Variants in GKAP1 observed in about 807,000 individuals in gnomAD.
The protein encoded by GKAP1 is G kinase-anchoring protein 1.
A neutral mutation model predicts 56.7 loss-of-function variants in GKAP1; 31 were observed. The ratio of observed to expected loss-of-function variants is 0.55; its 90% CI spans 0.41 to 0.74. The LOEUF (loss-of-function observed/expected upper bound fraction) is 0.74. GKAP1 is among the 30% of genes least tolerant of loss of function. GKAP1 has a pLI of 0.00. For synonymous variants in GKAP1, 151 were observed against 138.6 expected, an observed-to-expected ratio of 1.09 and a Z score of -0.63; for missense variants, 364 against 402.3, an observed-to-expected ratio of 0.90 and a Z score of 0.82.
chr9:83,781,889 G>T (rs1943979292), intron 6 of GKAP1, among the ~76,000 whole-genome samples: 1 of 146,736 alleles, frequency 6.8e-6, no homozygotes, highest in African/African-American at 2.5e-5. Flanking sequence ...TGTCGCCCAG[G>T]CTGGAGTGCA....
intron 7 of GKAP1, among the ~76,000 whole-genome samples, 186 bp from the exon 8 acceptor site, chr9:83,769,156 A>AT (rs2131268289): frequency 6.6e-6 from 1 of 152,364 alleles, no homozygotes; most frequent in South Asian, 2.1e-4. Context: ...TCTCCAGAAG[A>AT]TAAAACAGTA....
chr9:83,816,441 T>A (rs1453085268), intron 2 of GKAP1, among the ~76,000 whole-genome samples: 1 of 152,216 alleles, frequency 6.6e-6, no homozygotes, highest in Non-Finnish European at 1.5e-5. Context: ...GTAAAATACA[T>A]CTATTTTCAC....
intron 6 of GKAP1, among the ~76,000 whole-genome samples, chr9:83,784,333 C>G (rs1306353819): frequency 6.7e-6 from 1 of 149,630 alleles, no homozygotes; most frequent in African/African-American, 2.4e-5. Flanking sequence ...GGATCTTCAA[C>G]AGGTAATTAG....
intron 5 of GKAP1, among the ~76,000 whole-genome samples, chr9:83,785,497 ACCCTG>A (rs1274893797): frequency 1.3e-5 from 2 of 151,898 alleles, no homozygotes; most frequent in East Asian, 3.9e-4. Flanking sequence ...CCATCTCACT[ACCCTG>A]CCTTCCCCAC....
At chr9:83,804,416 C>A (rs1196669815) in intron 3 of GKAP1, among the ~76,000 whole-genome samples, 2 of 138,444 alleles carry the variant, frequency 1.4e-5, no homozygotes, top group African/African-American at 2.7e-5. Context: ...AGCCCCCCGC[C>A]CGGCCAGCCA....
intron 7 of GKAP1, among the ~76,000 whole-genome samples, chr9:83,778,341 T>A (rs1943896698): frequency 6.6e-6 from 1 of 152,172 alleles, no homozygotes; most frequent in Non-Finnish European, 1.5e-5. Context: ...GTGGTATATA[T>A]GCACCATGGA....
chr9:83,746,683 G>A (rs1021902073), intron 10 of GKAP1, among the ~76,000 whole-genome samples: 1 of 151,226 alleles, frequency 6.6e-6, no homozygotes, highest in African/African-American at 2.4e-5. Context: ...AACAGAGAAA[G>A]ACTCCTTCTC....
At chr9:83,791,880 T>C (rs1944165433) in intron 4 of GKAP1, among the ~76,000 whole-genome samples, 1 of 152,158 alleles carries the variant, frequency 6.6e-6, no homozygotes, top group Admixed American at 6.5e-5. Context: ...TAAATATAGA[T>C]ACAATTTGGA....
chr9:83,816,164 G>C (rs1455267847), intron 2 of GKAP1, among the ~76,000 whole-genome samples: 1 of 151,820 alleles, frequency 6.6e-6, no homozygotes, highest in East Asian at 1.9e-4. Context: ...ACTCCAGCCT[G>C]GGCAACAAGA....
chr9:83,742,367 T>C (rs1943222605), intron 11 of GKAP1, among the ~76,000 whole-genome samples, 163 bp downstream of exon 11: 1 of 152,222 alleles, frequency 6.6e-6, no homozygotes, highest in African/African-American at 2.4e-5. Context: ...CTACCTCTTT[T>C]AGTGCTGTAA....
chr9:83,788,722 T>C (rs1283197795), intron 4 of GKAP1, 44 bp from the exon 5 acceptor site: 3 of 1,183,216 alleles, frequency 2.5e-6, no homozygotes, highest in South Asian at 2.5e-5. Context: ...TATCATTACA[T>C]CACATGAGCA....
At chr9:83,760,693 T>C (rs1369710164) in intron 8 of GKAP1, among the ~76,000 whole-genome samples, 6 of 152,190 alleles carry the variant, frequency 3.9e-5, no homozygotes, top group Non-Finnish European at 8.8e-5. Flanking sequence ...GAAATAAAGC[T>C]ACAAATCAAG....
At chr9:83,795,634 C>G (rs994605892) in intron 4 of GKAP1, among the ~76,000 whole-genome samples, 2 of 140,570 alleles carry the variant, frequency 1.4e-5, no homozygotes, top group African/African-American at 5.2e-5. Context: ...CTCTGTCACC[C>G]AGGCTGAAGT....
At chr9:83,816,243 A>G (rs564720866) in intron 2 of GKAP1, among the ~76,000 whole-genome samples, 1 of 152,070 alleles carries the variant, frequency 6.6e-6, no homozygotes, top group Admixed American at 6.5e-5. Context: ...GCATACTAAA[A>G]CTCTGCTCCA....
intron 2 of GKAP1, among the ~76,000 whole-genome samples, chr9:83,813,937 CA>C (rs2131332577): frequency 6.6e-6 from 1 of 152,180 alleles, no homozygotes; most frequent in East Asian, 1.9e-4. Flanking sequence ...CCCTTCTCTA[CA>C]AAATGTACAA....
intron 5 of GKAP1, among the ~76,000 whole-genome samples, chr9:83,785,841 G>A (rs1167889115): frequency 6.6e-6 from 1 of 152,080 alleles, no homozygotes; most frequent in Non-Finnish European, 1.5e-5. Context: ...TCTGCCAATG[G>A]ATGTATAAAA....
At chr9:83,790,728 G>A (rs1264027656) in intron 4 of GKAP1, among the ~76,000 whole-genome samples, 3 of 151,962 alleles carry the variant, frequency 2.0e-5, no homozygotes, top group East Asian at 1.9e-4. Context: ...CAGGAGTATC[G>A]CTTAAACCCA....
chr9:83,763,100 T>A (rs1943602284), intron 8 of GKAP1, among the ~76,000 whole-genome samples: 1 of 152,170 alleles, frequency 6.6e-6, no homozygotes, highest in Non-Finnish European at 1.5e-5. Context: ...TGGAGTACTC[T>A]TCATCCATAA....
intron 10 of GKAP1, among the ~76,000 whole-genome samples, 165 bp downstream of exon 10, chr9:83,748,144 T>C (rs1209570972): frequency 2.0e-5 from 3 of 152,240 alleles, no homozygotes; most frequent in Non-Finnish European, 2.9e-5. Flanking sequence ...GCACTTCAAA[T>C]CTTTTCTTCT....
Sources: gnomAD v4.1 joint callset for allele counts (sites outside exome capture counted in the v4.1 genomes callset) on GRCh38, gnomAD v4.1.1 for gene constraint, MANE v1.5 for transcripts, NCBI Gene and HGNC (gene_info 2026-07-23, HGNC 2026-07-21) for gene names.